ACSL6: variants seen among roughly 807,000 people sequenced by gnomAD.
ACSL6 encodes the protein acyl-CoA synthetase long chain family member 6, also known as long-chain-fatty-acid--CoA ligase 6.
Under a neutral mutation model 98.2 loss-of-function variants are expected in ACSL6, and 47 were observed. The observed-to-expected ratio is 0.48, with a 90% confidence interval of 0.38 to 0.61. ACSL6 has a LOEUF of 0.61. Ranked by LOEUF, ACSL6 falls within the 20% of genes least tolerant of loss-of-function variation. The probability of loss-of-function intolerance (pLI) is 0.00; values close to 1 mark genes in which losing one functional copy is unlikely to be tolerated. For synonymous variants in ACSL6, 362 were observed against 336.9 expected, an observed-to-expected ratio of 1.07 and a Z score of -0.82; for missense variants, 761 against 913.4, an observed-to-expected ratio of 0.83 and a Z score of 2.15.
Position 131,960,608 on chromosome 5 carries a change from C to T in ACSL6, c.1871G>A (p.Gly624Asp). The change falls in exon 19 of 21, where the codon GGC becomes GAC. Residue 624 changes from glycine to aspartate, a missense_variant. Physicochemically the swap from Gly to Asp is moderately conservative, Grantham distance 94. Transcript: ENST00000651883. ...AACTTCAGGGTCAGGCACAACAATG[C>T]CTACCAAAAAGGCCTGCAGTGCTCA... Reference protein sequence around the residue: ...HGDSLKAFLVGIVVPDPEVMP... With the variant: ...HGDSLKAFLVDIVVPDPEVMP... 1 of 1,613,822 alleles carries T rather than the reference C, an allele frequency of 6.2e-7. No individual in the cohort carries two copies. Among genetic ancestry groups the T allele is most frequent in the Non-Finnish European group, 8.5e-7 (1 of 1,179,934 alleles).
intron 9 of ACSL6, 85 bp downstream of exon 9, chr5:131,985,322 T>C: frequency 6.5e-7 from 1 of 1,531,322 alleles, no homozygotes. Context: ...TCAAACAGGG[T>C]ATCAAAGACT....
intron 4 of ACSL6, 62 bp downstream of exon 4, chr5:131,990,038 A>G (rs1270937690): frequency 1.2e-5 from 19 of 1,570,622 alleles, no homozygotes; most frequent in Non-Finnish European, 1.6e-5. Flanking sequence ...ATCCCTCCCT[A>G]CCTGCCCTGA....
rs1004858585 is a variant in ACSL6 at position 132,011,199 on chromosome 5, C to T, written c.49+306G>A. Among the ~76,000 whole-genome samples the T allele has an allele frequency of 1.3e-5, 2 of 152,170 alleles. No individual in the cohort carries two copies. The highest frequency in any genetic ancestry group is 1.3e-4 in the Admixed American group (2 of 15,286). On this transcript the variant is annotated intron_variant, in intron 1 of 20. Transcript: ENST00000651883. The surrounding 1 kb of genome is among the most constrained non-coding windows in gnomAD (Gnocchi z 5.4). ...GCCTTGGCTCAGGGCCTAATCTGAT[C>T]CGCGGATGGTCCTTGCCATCAGGGA... is the stretch of plus-strand genomic sequence containing the variant.
chr5:131,998,220 G>A (rs1754890782), intron 1 of ACSL6, among the ~76,000 whole-genome samples: 1 of 152,200 alleles, frequency 6.6e-6, no homozygotes, highest in African/African-American at 2.4e-5. Context: ...CAGCACTCAA[G>A]GGAATCAGTG....
chr5:132,000,305 G>A (rs995051585), intron 1 of ACSL6, among the ~76,000 whole-genome samples: 3 of 152,102 alleles, frequency 2.0e-5, no homozygotes, highest in African/African-American at 7.2e-5. Flanking sequence ...AGACCCCAGG[G>A]CAGCACACCA....
chr5:131,966,662 G>GA (rs1753031267), intron 16 of ACSL6, 130 bp from the exon 17 acceptor site: 4 of 784,500 alleles, frequency 5.1e-6, no homozygotes, highest in South Asian at 4.5e-5. Context: ...GGCAGGGATG[G>GA]AAACAGAGGA....
chr5:131,964,055 T>A (rs948044233), intron 17 of ACSL6, among the ~76,000 whole-genome samples: 1 of 152,208 alleles, frequency 6.6e-6, no homozygotes, highest in Admixed American at 6.5e-5. Flanking sequence ...ATAACGTTTT[T>A]AAAAGCACAA....
chr5:131,986,736 CT>C, intron 8 of ACSL6, 85 bp downstream of exon 8: 1 of 1,515,368 alleles, frequency 6.6e-7, no homozygotes, highest in South Asian at 1.1e-5. Context: ...CACAGAGGTG[CT>C]GTTCTGTGCA....
intron 10 of ACSL6, chr5:131,975,681 A>G: frequency 2.0e-6 from 2 of 985,326 alleles, no homozygotes; most frequent in East Asian, 2.3e-4. Context: ...AGGGCCCAGG[A>G]CACATCTCAC....
At chr5:132,011,910 G>C, upstream of ACSL6, 1 of 1,557,184 alleles carries the variant, frequency 6.4e-7, no homozygotes, top group Non-Finnish European at 8.7e-7. The surrounding 1 kb of genome is among the most constrained non-coding windows in gnomAD (Gnocchi z 5.4). Flanking sequence ...TCCAACGTCA[G>C]TACCTGGCAT....
chr5:131,994,318 A>C, intron 1 of ACSL6, 67 bp from the exon 2 acceptor site: 5 of 1,318,492 alleles, frequency 3.8e-6, no homozygotes, highest in Non-Finnish European at 4.3e-6. Context: ...GTCCTGGGTC[A>C]CAGGACCTGA....
chr5:131,991,493 T>C (rs1754510530), intron 2 of ACSL6, among the ~76,000 whole-genome samples: 1 of 152,208 alleles, frequency 6.6e-6, no homozygotes, highest in Non-Finnish European at 1.5e-5. Context: ...CTGAAGGTTC[T>C]GTCCCAGGCA....
rs1377497319 is a variant in ACSL6, at chr5:131,952,813, G to A, written c.*1421C>T. 4.6e-6 allele frequency: 1 copy of A among 218,006 alleles called. No individual in the cohort carries two copies. Among genetic ancestry groups the A allele is most frequent in the Non-Finnish European group, 9.2e-6 (1 of 108,704 alleles). The allele number at this position is 218,006 out of a possible 1,614,324, so 13.5% of individuals were successfully genotyped here. ...AGGAATGTAATTATGCCATTAGGCA[G>A]TATTTCTTTGTCTATGGACTTAAAA... On this transcript the variant is annotated 3_prime_UTR_variant, in exon 21 of 21. Transcript: ENST00000651883.
At chr5:131,963,302 G>A (rs781362830) in intron 17 of ACSL6, among the ~76,000 whole-genome samples, 8 of 152,004 alleles carry the variant, frequency 5.3e-5, no homozygotes, top group East Asian at 3.9e-4. Context: ...TCCAGGACCC[G>A]TCCTCACCTC....
chr5:131,983,127 T>A (rs1454125822), intron 9 of ACSL6: 1 of 152,254 alleles, frequency 6.6e-6, no homozygotes, highest in Non-Finnish European at 1.5e-5. Context: ...ACATCCTAAC[T>A]ATCATTCAAG....
At chr5:131,995,805 T>C (rs2126925447) in intron 1 of ACSL6, among the ~76,000 whole-genome samples, 1 of 152,346 alleles carries the variant, frequency 6.6e-6, no homozygotes, top group Non-Finnish European at 1.5e-5. Context: ...CCTATCCTTC[T>C]TCTCTGAACC....
upstream of ACSL6, chr5:132,011,734 G>C: frequency 2.3e-6 from 3 of 1,303,028 alleles, no homozygotes; most frequent in Non-Finnish European, 2.0e-6. This position sits in a 1 kb window ranked among gnomAD's most constrained non-coding sequence, Gnocchi z 5.4. Flanking sequence ...CGGCTCAAGG[G>C]GGAGGGCGCG....
chr5:131,996,928 T>C (rs1395931477), intron 1 of ACSL6, among the ~76,000 whole-genome samples: 2 of 152,118 alleles, frequency 1.3e-5, no homozygotes, highest in African/African-American at 4.8e-5. Flanking sequence ...ATATTGATCC[T>C]GAGAATGAAA....
intron 17 of ACSL6, 109 bp downstream of exon 17, chr5:131,966,307 A>G: frequency 1.9e-6 from 2 of 1,047,330 alleles, no homozygotes; most frequent in East Asian, 4.8e-5. Flanking sequence ...GTGCTCCTGA[A>G]TGACTCATTG....
Sources: gnomAD v4.1 joint callset for allele counts (sites outside exome capture counted in the v4.1 genomes callset) on GRCh38, gnomAD v4.1.1 for gene constraint, Gnocchi (gnomAD v3.1) non-coding constraint, MANE v1.5 for transcripts, NCBI Gene and HGNC (gene_info 2026-07-23, HGNC 2026-07-21) for gene names.